Variants in FAF2 observed in about 807,000 individuals in gnomAD.
The protein encoded by FAF2 is FAS-associated factor 2.
Under a neutral mutation model 62.3 loss-of-function variants are expected in FAF2, and 9 were observed. The observed-to-expected ratio is 0.14, with a 90% CI of 0.09 to 0.25. The LOEUF (loss-of-function observed/expected upper bound fraction) is 0.25, where lower values mean the gene tolerates loss of function less well. Among genes scored for constraint, FAF2 ranks in the 10% least tolerant of loss-of-function variants. The pLI, the probability that FAF2 is intolerant of heterozygous loss-of-function variation, is 1.00. For synonymous variants in FAF2, 202 were observed against 198.0 expected (o/e 1.02, Z -0.17); for missense variants, 368 against 556.2 (o/e 0.66, Z 3.40).
In FAF2 at chr5:176,479,242, A is replaced by G; in HGVS notation, c.118A>G (p.Asn40Asp). 6.2e-7 allele frequency: 1 copy of G among 1,613,230 alleles called. No individual in the cohort carries two copies. The highest frequency in any genetic ancestry group is 8.5e-7 in the Non-Finnish European group (1 of 1,179,302). ...DQCRHTLEQH[N>D]WNIEAAVQDR... ...GTGTCGCCATACCTTGGAACAGCAT[A>G]ACTGGAACATAGAGGTATAATAGGA... is the stretch of plus-strand genomic sequence containing the variant. The change falls in exon 2 of 11, where the codon AAC becomes GAC. Residue 40 changes from asparagine (N) to aspartate (D), a missense_variant. Coordinates refer to ENST00000261942, the MANE Select transcript of FAF2 (RefSeq NM_014613.3).
chr5:176,471,899 C>G (rs1384827529), intron 1 of FAF2, among the ~76,000 whole-genome samples: 1 of 151,840 alleles, frequency 6.6e-6, no homozygotes, highest in South Asian at 2.1e-4. Context: ...CCAGGCTGGT[C>G]ACAAATTCCT....
At chr5:176,451,636 G>A (rs1487270969) in intron 1 of FAF2, among the ~76,000 whole-genome samples, 2 of 149,254 alleles carry the variant, frequency 1.3e-5, no homozygotes, top group Non-Finnish European at 3.0e-5. Context: ...AAGTGGTAGA[G>A]ATTTAGAAAT....
intron 1 of FAF2, chr5:176,453,499 G>A (rs984735123): frequency 9.9e-5 from 15 of 151,934 alleles, no homozygotes; most frequent in Admixed American, 9.2e-4. Flanking sequence ...AAATTTATAA[G>A]TCATTTTGAA....
In FAF2 at chr5:176,507,000, G is replaced by GA. The variant is rs1755695369; in HGVS notation, c.*56dup. ...TACCCCAGTCCCTAAAAGAAATGGG[G>GA]AAAAAAGAAAACAACAGCAAGTCAG... is the stretch of plus-strand genomic sequence containing the variant. On this transcript the variant is annotated 3_prime_UTR_variant, in exon 11 of 11. Transcript: ENST00000261942. 7.8e-7 allele frequency: 1 copy of GA among 1,275,236 alleles called. No individual in the cohort carries two copies. The allele number at this position is 1,275,236 out of a possible 1,614,324, so 79.0% of individuals were successfully genotyped here.
chr5:176,450,634 A>G (rs913226395), intron 1 of FAF2, among the ~76,000 whole-genome samples: 1 of 151,408 alleles, frequency 6.6e-6, no homozygotes, highest in African/African-American at 2.4e-5. Context: ...GCTCACTGCA[A>G]CCTCCGCCTT....
intron 1 of FAF2, among the ~76,000 whole-genome samples, chr5:176,468,179 A>T (rs1758505455): frequency 6.6e-6 from 1 of 152,200 alleles, no homozygotes; most frequent in Admixed American, 6.6e-5. Flanking sequence ...AAAAGAAAAG[A>T]AACTAGAGAG....
At chr5:176,464,331 C>T (rs1258187817) in intron 1 of FAF2, among the ~76,000 whole-genome samples, 7 of 151,806 alleles carry the variant, frequency 4.6e-5, no homozygotes, top group South Asian at 4.2e-4. Flanking sequence ...TATGTATATT[C>T]GAATATTTAT....
intron 10 of FAF2, among the ~76,000 whole-genome samples, chr5:176,500,392 GCT>G (rs1221753498): frequency 6.6e-6 from 1 of 152,006 alleles, no homozygotes; most frequent in Non-Finnish European, 1.5e-5. Flanking sequence ...TTATGTTTCG[GCT>G]CTGCTAAGAA....
chr5:176,488,163 A>G (rs1403061727), intron 3 of FAF2, among the ~76,000 whole-genome samples: 1 of 152,068 alleles, frequency 6.6e-6, no homozygotes, highest in Non-Finnish European at 1.5e-5. Flanking sequence ...TTTTTAGTAG[A>G]GACAGGGTTT....
At position 176,493,944 on chromosome 5, in the gene FAF2, A is replaced by G. The variant is rs1018058911; in HGVS notation, c.484-55A>G. ...GTATCCATTAGGACCCTTAGCTTAA[A>G]TATAAGCTCAAGGCACAGTCTTCTT... On this transcript the variant is annotated intron_variant, in intron 5 of 10. Transcript: ENST00000261942. 6 of 1,237,350 alleles carry G rather than the reference A, an allele frequency of 4.8e-6. No homozygotes were observed. In the East Asian group the frequency reaches 1.4e-4, roughly 29 times the overall value. 76.6% of individuals were successfully genotyped at this position (1,237,350 alleles called of 1,614,324 possible).
intron 1 of FAF2, among the ~76,000 whole-genome samples, chr5:176,449,722 A>G (rs1209486358): frequency 6.6e-6 from 1 of 152,240 alleles, no homozygotes; most frequent in Non-Finnish European, 1.5e-5. Context: ...TTATTGATAC[A>G]CTTATTTCCT....
intron 10 of FAF2, among the ~76,000 whole-genome samples, chr5:176,502,928 G>A (rs1476440266): frequency 6.6e-6 from 1 of 150,882 alleles, no homozygotes; most frequent in Admixed American, 6.6e-5. Flanking sequence ...AGTGCCAGTA[G>A]TCCCAGCTAC....
intron 1 of FAF2, among the ~76,000 whole-genome samples, chr5:176,454,577 G>GAAAAAAAAAAAAAA (rs56324116): frequency 1.0e-5 from 1 of 95,302 alleles, no homozygotes; most frequent in Non-Finnish European, 2.0e-5. Flanking sequence ...GATTCTGTCT[G>GAAAAAAAAAAAAAA]AAAAAAAAAA....
intron 1 of FAF2, among the ~76,000 whole-genome samples, chr5:176,476,321 T>A (rs908009588): frequency 6.6e-6 from 1 of 151,834 alleles, no homozygotes; most frequent in African/African-American, 2.4e-5. Context: ...GATTTTGTGA[T>A]AATATCTAGA....
intron 1 of FAF2, among the ~76,000 whole-genome samples, chr5:176,459,446 G>A (rs376084847): frequency 6.6e-6 from 1 of 151,694 alleles, no homozygotes; most frequent in East Asian, 1.9e-4. Context: ...TTTATTTTTT[G>A]TAGAGACATG....
At chr5:176,466,322 T>G (rs1010631769) in intron 1 of FAF2, among the ~76,000 whole-genome samples, 1 of 152,182 alleles carries the variant, frequency 6.6e-6, no homozygotes, top group Non-Finnish European at 1.5e-5. Flanking sequence ...AGAACAAAGA[T>G]TCCTAGTTTT....
chr5:176,463,272 C>T (rs1280244426), intron 1 of FAF2, among the ~76,000 whole-genome samples: 2 of 151,788 alleles, frequency 1.3e-5, no homozygotes, highest in Non-Finnish European at 2.9e-5. Flanking sequence ...TGGCAGACTC[C>T]TGTAATCGGG....
chr5:176,448,598 C>G (rs536760906), intron 1 of FAF2, 128 bp downstream of exon 1: 16 of 892,510 alleles, frequency 1.8e-5, no homozygotes, highest in Non-Finnish European at 2.4e-5. Flanking sequence ...CCCTCCCCCC[C>G]AGACTCCAAC....
In FAF2 at chr5:176,481,489, C is replaced by A. The variant is rs145678590; in HGVS notation, c.132+2233C>A. 6.3e-3 allele frequency among the ~76,000 whole-genome samples: 954 copies of A among 152,148 alleles called. 4 individuals are homozygous for A. Among genetic ancestry groups the A allele is most frequent in the African/African-American group, 0.018 (768 of 41,568 alleles). ...TGGCTAACACAATGAAACCCTGTCT[C>A]TACTAAAAATATAAAAAATTAGCCA... On this transcript the variant is annotated intron_variant, in intron 2 of 10. Coordinates refer to ENST00000261942, the MANE Select transcript of FAF2 (RefSeq NM_014613.3).
Sources: gnomAD v4.1 joint callset for allele counts (sites outside exome capture counted in the v4.1 genomes callset) on GRCh38, gnomAD v4.1.1 for gene constraint, MANE v1.5 for transcripts, NCBI Gene and HGNC (gene_info 2026-07-23, HGNC 2026-07-21) for gene names.